Variants in ERVV-2 observed in about 807,000 individuals in gnomAD.
ERVV-2 encodes endogenous retrovirus group V member 2 Env polyprotein.
For missense variants in ERVV-2, 291 were observed against 495.1 expected (o/e 0.59, Z 3.91); for synonymous variants, 105 against 184.6 (o/e 0.57, Z 3.49).
intron 1 of ERVV-2, among the ~76,000 whole-genome samples, chr19:53,047,899 C>T (rs2083897030): frequency 6.6e-6 from 1 of 152,132 alleles, no homozygotes; most frequent in African/African-American, 2.4e-5. Flanking sequence ...AGGTGGGGAG[C>T]TTAAATGTTA....
intron 1 of ERVV-2, among the ~76,000 whole-genome samples, chr19:53,046,991 C>A (rs1254883970): frequency 6.6e-6 from 1 of 152,048 alleles, no homozygotes; most frequent in Non-Finnish European, 1.5e-5. Context: ...TATGGTGGAA[C>A]CCTGTCTCTA....
chr19:53,046,744 A>G (rs923867572), intron 1 of ERVV-2, among the ~76,000 whole-genome samples: 19 of 152,164 alleles, frequency 1.2e-4, no homozygotes, highest in African/African-American at 4.6e-4. Context: ...TATTAGCCCA[A>G]TATCATTATG....
chr19:53,046,002 C>T (rs1341215901), intron 1 of ERVV-2, among the ~76,000 whole-genome samples: 1 of 152,126 alleles, frequency 6.6e-6, no homozygotes. Flanking sequence ...TGGCTCATGC[C>T]TGTAATCTCA....
chr19:53,047,623 G>C (rs745862043), intron 1 of ERVV-2, among the ~76,000 whole-genome samples: 1 of 152,148 alleles, frequency 6.6e-6, no homozygotes, highest in Non-Finnish European at 1.5e-5. Flanking sequence ...AGAGCTCCAA[G>C]GTGAAGGACA....
intron 1 of ERVV-2, among the ~76,000 whole-genome samples, chr19:53,045,338 T>C (rs1420787671): frequency 2.6e-5 from 4 of 151,988 alleles, no homozygotes; most frequent in Non-Finnish European, 5.9e-5. Flanking sequence ...AGTCTCACTC[T>C]GTCGCCCAGG....
chr19:53,044,886 G>A lies in ERVV-2; in HGVS notation c.-458G>A, dbSNP rs531110738. ...GAATCCAAGAAGACCAAGAACCAGA[G>A]GACTTCCACACCCCTCTGGGTAACA... On this transcript the variant is annotated 5_prime_UTR_variant, in exon 1 of 2. Coordinates refer to ENST00000601417, the MANE Select transcript of ERVV-2 (RefSeq NM_001191055.2). 9.2e-5 allele frequency: 14 copies of A among 152,186 alleles called. No homozygotes were observed. The South Asian group carries it at 2.9e-3, about 32-fold the overall frequency. 9.4% of individuals were successfully genotyped at this position (152,186 alleles called of 1,614,324 possible). A position where few individuals can be genotyped will look rare whatever the true frequency, so the allele number is the denominator to read the frequency against.
chr19:53,050,352 C>G lies in ERVV-2; in HGVS notation c.1101C>G (p.Ile367Met), dbSNP rs927060613. 4 of 725,016 alleles carry G rather than the reference C, an allele frequency of 5.5e-6. No individual in the cohort carries two copies. Among genetic ancestry groups the G allele is most frequent in the Non-Finnish European group, 9.9e-6 (4 of 405,994 alleles). 44.9% of individuals were successfully genotyped at this position (725,016 alleles called of 1,614,324 possible). Residue 367 changes from isoleucine (I) to methionine (M), a missense_variant, in exon 2 of 2, where the codon ATC (isoleucine) becomes ATG (methionine). By Grantham distance (10) the Ile-to-Met change is conservative (BLOSUM62 1). Coordinates refer to ENST00000601417, the MANE Select transcript of ERVV-2 (RefSeq NM_001191055.2). Reference sequence around the variant, plus strand: ...TAGCTAAGAGTACCAGAGATAGCATCTCTAAACTCAAGGCCTCCATAGATT... The same window carrying G: ...TAGCTAAGAGTACCAGAGATAGCATGTCTAAACTCAAGGCCTCCATAGATT... The part of the protein sequence containing the change: ...DNIAKSTRDS[I>M]SKLKASIDSL...
intron 1 of ERVV-2, among the ~76,000 whole-genome samples, chr19:53,047,484 G>A (rs1265848633): frequency 2.6e-5 from 4 of 152,142 alleles, no homozygotes; most frequent in African/African-American, 7.2e-5. Flanking sequence ...TCTTCCACCC[G>A]TCCTTACCCA....
Position 53,049,055 on chromosome 19 carries a change from A to C in ERVV-2, c.-197A>C. On this transcript the variant is annotated 5_prime_UTR_variant, in exon 2 of 2. Coordinates refer to ENST00000601417, the MANE Select transcript of ERVV-2 (RefSeq NM_001191055.2). ...CTTCTCTCTGTTCACCCAAAACTAAAGTCAATCTCAGTACGGGGAATCTTG... is the reference window on the plus strand; with the variant it reads ...CTTCTCTCTGTTCACCCAAAACTAACGTCAATCTCAGTACGGGGAATCTTG... 1 of 724,002 alleles carries C rather than the reference A, an allele frequency of 1.4e-6. No homozygotes were observed. 44.8% of individuals were successfully genotyped at this position (724,002 alleles called of 1,614,324 possible).
chr19:53,045,681 A>G (rs1004427033), intron 1 of ERVV-2, among the ~76,000 whole-genome samples: 1 of 152,066 alleles, frequency 6.6e-6, no homozygotes, highest in Non-Finnish European at 1.5e-5. Flanking sequence ...TCCCCTGAAC[A>G]CCATATGCCC....
rs1386515854 is a variant in ERVV-2 at position 53,050,810 on chromosome 19, A to T, written c.1559A>T (p.Asp520Val). The T allele has an allele frequency of 1.3e-6, 2 of 1,535,362 alleles. No individual in the cohort carries two copies. The highest frequency in any genetic ancestry group is 2.7e-5 in the African/African-American group (2 of 72,978). ...PSTYKHISPL[D>V]ASGQRFRETM... Reference sequence around the variant, plus strand: ...ACCTATAAGCACATCTCCCCCTTGGATGCCAGTGGGCAAAGATTCCGGGAA... The same window carrying T: ...ACCTATAAGCACATCTCCCCCTTGGTTGCCAGTGGGCAAAGATTCCGGGAA... Residue 520 changes from aspartate (D) to valine (V), a missense_variant, in exon 2 of 2, where the codon GAT becomes GTT. Physicochemically the swap from Asp to Val is radical, Grantham distance 152. Transcript: ENST00000601417.
At position 53,050,054 on chromosome 19, in the gene ERVV-2, A is replaced by T; in HGVS notation, c.803A>T (p.Asp268Val). The stretch of plus-strand genomic sequence containing the variant: ...CCACAAAAAAATAAACTGCCCTTTG[A>T]TGGAAGTCCTAAGATAACCTATTCA... ...CGPQKNKLPFDGSPKITYSTP... is the reference protein window; with the variant it reads ...CGPQKNKLPFVGSPKITYSTP... Residue 268 changes from aspartate (D) to valine (V), a missense_variant, in exon 2 of 2, where the codon GAT becomes GTT. Asp to Val is a radical substitution (Grantham distance 152). Transcript: ENST00000601417. The T allele has an allele frequency of 1.4e-6, 2 of 1,470,162 alleles. No individual in the cohort carries two copies. Among genetic ancestry groups the T allele is most frequent in the Non-Finnish European group, 9.1e-7 (1 of 1,099,802 alleles). The allele number at this position is 1,470,162 out of a possible 1,614,324, so 91.1% of individuals were successfully genotyped here.
At chr19:53,045,565 T>G (rs2083887799) in intron 1 of ERVV-2, among the ~76,000 whole-genome samples, 1 of 152,116 alleles carries the variant, frequency 6.6e-6, no homozygotes, top group Admixed American at 6.5e-5. Flanking sequence ...CCTCCCAAAC[T>G]GCTGGGATTA....
At chr19:53,046,029 A>AG (rs1215473915) in intron 1 of ERVV-2, among the ~76,000 whole-genome samples, 3 of 152,042 alleles carry the variant, frequency 2.0e-5, no homozygotes, top group Admixed American at 6.6e-5. Context: ...TGAGAGGTTG[A>AG]GGGGGGTGGA....
At chr19:53,047,539 A>G (rs1360324981) in intron 1 of ERVV-2, among the ~76,000 whole-genome samples, 1 of 152,218 alleles carries the variant, frequency 6.6e-6, no homozygotes, top group Non-Finnish European at 1.5e-5. Context: ...CAATCCCAGG[A>G]AATCTAAGAA....
At chr19:53,046,835 C>T (rs1023317653) in intron 1 of ERVV-2, among the ~76,000 whole-genome samples, 4 of 152,074 alleles carry the variant, frequency 2.6e-5, no homozygotes, top group Non-Finnish European at 5.9e-5. Context: ...GCGTGTCACC[C>T]GAGGTTGTGA....
In ERVV-2 at chr19:53,049,034, T is replaced by C. The variant is rs2083901544; in HGVS notation, c.-218T>C. 1 of 670,432 alleles carries C rather than the reference T, an allele frequency of 1.5e-6. No individual in the cohort carries two copies. The highest frequency in any genetic ancestry group is 2.0e-5 in the South Asian group (1 of 50,318). The allele number at this position is 670,432 out of a possible 1,614,324, so 41.5% of individuals were successfully genotyped here. ...AAGTGAAAAGATAAGTAAAGCCTTCTCTCTGTTCACCCAAAACTAAAGTCA... is the reference window on the plus strand; with the variant it reads ...AAGTGAAAAGATAAGTAAAGCCTTCCCTCTGTTCACCCAAAACTAAAGTCA... On this transcript the variant is annotated 5_prime_UTR_variant, in exon 2 of 2. Transcript: ENST00000601417.
At chr19:53,048,512 C>T (rs1343101537) in intron 1 of ERVV-2, among the ~76,000 whole-genome samples, 2 of 151,480 alleles carry the variant, frequency 1.3e-5, no homozygotes, top group Non-Finnish European at 2.9e-5. Flanking sequence ...ACCTTGTCTA[C>T]TAAAAATACA....
rs1266338577 is a variant in ERVV-2, at chr19:53,051,002, A to G, written c.*143A>G. On this transcript the variant is annotated 3_prime_UTR_variant, in exon 2 of 2. Coordinates refer to ENST00000601417, the MANE Select transcript of ERVV-2 (RefSeq NM_001191055.2). ...GAGGGAAATATTAGGGTAGGCAGGT[A>G]GGCAGGCATGAGCAGGCAAGAGAGC... 4.2e-6 allele frequency: 3 copies of G among 721,534 alleles called. No individual in the cohort carries two copies. The highest frequency in any genetic ancestry group is 7.3e-5 in the Admixed American group (2 of 27,462). 44.7% of individuals were successfully genotyped at this position (721,534 alleles called of 1,614,324 possible).
Sources: allele counts gnomAD v4.1 joint callset (sites outside exome capture counted in the v4.1 genomes callset), GRCh38; gene constraint gnomAD v4.1.1; transcripts MANE v1.5; gene names NCBI Gene and HGNC (gene_info 2026-07-23, HGNC 2026-07-21).